The following ADARB2 variants were observed in gnomAD, a reference collection of about 807,000 sequenced individuals.
ADARB2 encodes the protein adenosine deaminase RNA specific B2 (inactive), also known as inactive double-stranded RNA-specific editase B2.
A neutral mutation model predicts 62.2 loss-of-function variants in ADARB2; 25 were observed. That is an observed-to-expected ratio of 0.40 (90% CI 0.29 to 0.56). The LOEUF (loss-of-function observed/expected upper bound fraction) is 0.56, where lower values mean the gene tolerates loss of function less well. Among genes scored for constraint, ADARB2 ranks in the 20% least tolerant of loss-of-function variants. The pLI, the probability that ADARB2 is intolerant of heterozygous loss-of-function variation, is 0.43. For synonymous variants in ADARB2, 572 were observed against 500.8 expected, an observed-to-expected ratio of 1.14 and a Z score of -1.90; for missense variants, 1,071 against 1,077.4, an observed-to-expected ratio of 0.99 and a Z score of 0.08.
chr10:1,632,493 G>A (rs1267932262), intron 1 of ADARB2, among the ~76,000 whole-genome samples: 1 of 152,256 alleles, frequency 6.6e-6, no homozygotes, highest in Admixed American at 6.5e-5. Context: ...GATACTCACA[G>A]CACTAGCCTT....
At chr10:1,475,315 G>C (rs1428747415) in intron 1 of ADARB2, among the ~76,000 whole-genome samples, 1 of 152,190 alleles carries the variant, frequency 6.6e-6, no homozygotes. Context: ...GTGTATCTGC[G>C]CACCTTTTCC....
intron 1 of ADARB2, among the ~76,000 whole-genome samples, chr10:1,486,021 T>C (rs373291220): frequency 6.6e-6 from 1 of 152,264 alleles, no homozygotes; most frequent in South Asian, 2.1e-4. Context: ...AGCTCTGAGG[T>C]GCTGTATTTC....
At chr10:1,488,225 G>A (rs71500115) in intron 1 of ADARB2, among the ~76,000 whole-genome samples, 17,524 of 144,598 alleles carry the variant, frequency 0.12, 1,560 homozygotes, top group East Asian at 0.32. Context: ...ATTTGGCAAA[G>A]AAAAAAAAAA....
chr10:1,662,975 G>A (rs1338759560), intron 1 of ADARB2, among the ~76,000 whole-genome samples: 4 of 152,192 alleles, frequency 2.6e-5, no homozygotes, highest in East Asian at 1.9e-4. Context: ...TCAACCAGAC[G>A]CGGAACACGA....
intron 1 of ADARB2, among the ~76,000 whole-genome samples, chr10:1,516,836 A>G (rs1832015031): frequency 6.6e-6 from 1 of 152,208 alleles, no homozygotes; most frequent in South Asian, 2.1e-4. Flanking sequence ...TTTGTATTTT[A>G]AAGGTCTCAG....
At chr10:1,420,494 G>C (rs1413725516) in intron 1 of ADARB2, among the ~76,000 whole-genome samples, 2 of 151,352 alleles carry the variant, frequency 1.3e-5, no homozygotes, top group Non-Finnish European at 2.9e-5. Flanking sequence ...AAAATTTAGA[G>C]TTGAAGCTGA....
intron 1 of ADARB2, among the ~76,000 whole-genome samples, chr10:1,565,939 C>G (rs954645776): frequency 1.3e-5 from 2 of 152,070 alleles, no homozygotes; most frequent in Admixed American, 6.5e-5. Flanking sequence ...CTCAGCTTAA[C>G]TCTGCAAGCA....
chr10:1,680,316 C>T (rs1361253773), intron 1 of ADARB2, among the ~76,000 whole-genome samples: 1 of 152,072 alleles, frequency 6.6e-6, no homozygotes, highest in Non-Finnish European at 1.5e-5. Context: ...TTCCTGAGCT[C>T]CTCCTTTTCC....
At chr10:1,326,716 T>TCACAGCGCCTCCCCATGG (rs1465924287) in intron 3 of ADARB2, among the ~76,000 whole-genome samples, 5 of 139,906 alleles carry the variant, frequency 3.6e-5, no homozygotes, top group Admixed American at 1.4e-4. Flanking sequence ...CAGCGTCTCC[T>TCACAGCGCCTCCCCATGG]CACAGCGCCT....
At chr10:1,227,437 C>T (rs1589157864) in intron 6 of ADARB2, among the ~76,000 whole-genome samples, 1 of 152,340 alleles carries the variant, frequency 6.6e-6, no homozygotes, top group African/African-American at 2.4e-5. Context: ...CTGGCACTCC[C>T]CAGTGAGATG....
At chr10:1,265,577 TC>T (rs1831188526) in intron 4 of ADARB2, among the ~76,000 whole-genome samples, 1 of 84,756 alleles carries the variant, frequency 1.2e-5, no homozygotes, top group African/African-American at 5.4e-5. Flanking sequence ...ACGGCCTGAG[TC>T]AGGTCCACGC....
At chr10:1,705,257 G>A (rs1834874006) in intron 1 of ADARB2, among the ~76,000 whole-genome samples, 1 of 152,222 alleles carries the variant, frequency 6.6e-6, no homozygotes, top group Non-Finnish European at 1.5e-5. Context: ...TGGCAGGGTT[G>A]CAGGGGCTGC....
intron 1 of ADARB2, among the ~76,000 whole-genome samples, chr10:1,683,312 C>T (rs1356907265): frequency 2.0e-5 from 3 of 152,180 alleles, no homozygotes; most frequent in Non-Finnish European, 4.4e-5. Context: ...ATCCAACTGA[C>T]CTGATTGAGC....
intron 7 of ADARB2, among the ~76,000 whole-genome samples, chr10:1,205,663 C>T (rs77800611): frequency 0.017 from 2,610 of 152,404 alleles, 32 homozygotes; most frequent in Middle Eastern, 0.041. Context: ...CACAGGGTGC[C>T]GTTACCACCT....
intron 1 of ADARB2, among the ~76,000 whole-genome samples, chr10:1,598,531 G>A (rs1163531063): frequency 6.6e-6 from 1 of 152,174 alleles, no homozygotes; most frequent in Non-Finnish European, 1.5e-5. Flanking sequence ...AACGGGTGGC[G>A]ATGTGGCCCA....
chr10:1,350,851 G>C (rs1473723671), intron 3 of ADARB2, among the ~76,000 whole-genome samples: 1 of 152,050 alleles, frequency 6.6e-6, no homozygotes, highest in African/African-American at 2.4e-5. Flanking sequence ...CGCCTTCAAG[G>C]TGTACAATAA....
intron 4 of ADARB2, among the ~76,000 whole-genome samples, chr10:1,244,941 A>G (rs1238487862): frequency 6.6e-6 from 1 of 152,204 alleles, no homozygotes; most frequent in African/African-American, 2.4e-5. Flanking sequence ...GCGAAGCTTC[A>G]AAGGTGGGTG....
intron 1 of ADARB2, among the ~76,000 whole-genome samples, chr10:1,666,602 A>G (rs759833732): frequency 1.3e-5 from 2 of 152,228 alleles, no homozygotes; most frequent in African/African-American, 2.4e-5. Flanking sequence ...CCGAGGGGGA[A>G]TTCTGAATGT....
At chr10:1,405,549 G>A (rs1046322442) in intron 1 of ADARB2, among the ~76,000 whole-genome samples, 2 of 143,618 alleles carry the variant, frequency 1.4e-5, no homozygotes, top group African/African-American at 5.1e-5. Context: ...AGAAACACTT[G>A]AACCTGGGAG....
Sources: gnomAD v4.1 joint callset for allele counts (sites outside exome capture counted in the v4.1 genomes callset) on GRCh38, gnomAD v4.1.1 for gene constraint, MANE v1.5 for transcripts, NCBI Gene and HGNC (gene_info 2026-07-23, HGNC 2026-07-21) for gene names.